ZNF536: variants seen among roughly 807,000 people sequenced by gnomAD.
ZNF536 encodes zinc finger protein 536.
A neutral mutation model predicts 84.5 loss-of-function variants in ZNF536; 13 were observed. The observed-to-expected ratio is 0.15, with a 90% CI of 0.10 to 0.24. The LOEUF (loss-of-function observed/expected upper bound fraction) is 0.24. Among genes scored for constraint, ZNF536 ranks in the 10% least tolerant of loss-of-function variants. The pLI, the probability that ZNF536 is intolerant of heterozygous loss-of-function variation, is 1.00. For synonymous variants in ZNF536, 811 were observed against 742.5 expected (o/e 1.09, Z -1.50); for missense variants, 1,536 against 1,747.5 (o/e 0.88, Z 2.16).
At chr19:30,473,644 C>T (rs2053731092) in intron 2 of ZNF536, among the ~76,000 whole-genome samples, 1 of 152,230 alleles carries the variant, frequency 6.6e-6, no homozygotes, top group South Asian at 2.1e-4. Context: ...TTTGTTCACT[C>T]ATATCCTTGG....
chr19:30,705,267 A>G (rs1348717731), intron 1 of ZNF536, among the ~76,000 whole-genome samples: 1 of 152,054 alleles, frequency 6.6e-6, no homozygotes, highest in Non-Finnish European at 1.5e-5. Flanking sequence ...ACTTTCTTCC[A>G]CATCAGTCTC....
intron 1 of ZNF536, among the ~76,000 whole-genome samples, chr19:30,678,083 TG>T (rs2050820811): frequency 6.6e-6 from 1 of 152,108 alleles, no homozygotes; most frequent in Non-Finnish European, 1.5e-5. Flanking sequence ...CAAGAGGATT[TG>T]GGATGAGAAA....
intron 1 of ZNF536, among the ~76,000 whole-genome samples, chr19:30,666,081 C>T (rs2050306806): frequency 6.6e-6 from 1 of 152,248 alleles, no homozygotes; most frequent in Non-Finnish European, 1.5e-5. Context: ...GATGGGACTA[C>T]ACCAAGTTTG....
intron 1 of ZNF536, among the ~76,000 whole-genome samples, chr19:30,663,534 T>G (rs2050199545): frequency 6.6e-6 from 1 of 152,184 alleles, no homozygotes; most frequent in African/African-American, 2.4e-5. Context: ...CATTCAGGAG[T>G]TGCTAAATTT....
intron 2 of ZNF536, among the ~76,000 whole-genome samples, chr19:30,330,729 G>A (rs1363007827): frequency 1.3e-5 from 2 of 152,298 alleles, no homozygotes; most frequent in South Asian, 4.1e-4. Context: ...GGATCAGAAA[G>A]GAATGGAAGC....
At chr19:30,406,212 A>G (rs968644799) in intron 1 of ZNF536, among the ~76,000 whole-genome samples, 9 of 152,208 alleles carry the variant, frequency 5.9e-5, no homozygotes, top group Admixed American at 4.6e-4. Context: ...ATATGAATTT[A>G]TAGCCTAGCA....
upstream of ZNF536, among the ~76,000 whole-genome samples, chr19:30,370,675 A>G (rs921861292): frequency 2.6e-5 from 4 of 152,238 alleles, no homozygotes; most frequent in African/African-American, 9.6e-5. Flanking sequence ...TCATTATTAC[A>G]TCAATCATCA....
intron 2 of ZNF536, among the ~76,000 whole-genome samples, chr19:30,497,569 T>C (rs540827749): frequency 4.3e-4 from 66 of 152,302 alleles, no homozygotes; most frequent in African/African-American, 1.4e-3. Context: ...AGATGAAGCA[T>C]TGGACTCATT....
intron 2 of ZNF536, among the ~76,000 whole-genome samples, chr19:30,303,078 T>G (rs116989553): frequency 1.3e-3 from 191 of 152,346 alleles, no homozygotes; most frequent in South Asian, 2.9e-3. Flanking sequence ...CAATGGATTT[T>G]AGGCACACAC....
intron 2 of ZNF536, among the ~76,000 whole-genome samples, chr19:30,462,048 AG>A (rs1396829188): frequency 6.6e-5 from 10 of 152,058 alleles, no homozygotes; most frequent in Non-Finnish European, 1.3e-4. Flanking sequence ...GTAAATTAGG[AG>A]GGCTAGATGA....
chr19:30,295,807 T>C (rs925860256), intron 2 of ZNF536, among the ~76,000 whole-genome samples: 7 of 152,222 alleles, frequency 4.6e-5, no homozygotes, highest in African/African-American at 1.4e-4. Flanking sequence ...GAATGGTGAA[T>C]GTTCATTCTT....
chr19:30,436,719 G>T (rs111674536), intron 1 of ZNF536, among the ~76,000 whole-genome samples: 3,703 of 152,284 alleles, frequency 0.024, 163 homozygotes, highest in African/African-American at 0.085. Flanking sequence ...AGGTGAAATT[G>T]TCTTAATTAC....
At chr19:30,633,813 A>G (rs1180354297) in intron 1 of ZNF536, among the ~76,000 whole-genome samples, 1 of 152,068 alleles carries the variant, frequency 6.6e-6, no homozygotes, top group Non-Finnish European at 1.5e-5. Flanking sequence ...GGCTCATTCA[A>G]TTCTCCTGCC....
At chr19:30,670,572 C>T (rs949131042) in intron 1 of ZNF536, among the ~76,000 whole-genome samples, 32 of 152,252 alleles carry the variant, frequency 2.1e-4, no homozygotes, top group African/African-American at 7.5e-4. Context: ...TGAGCTCCCC[C>T]GCAGACGGGT....
chr19:30,331,514 G>A (rs2047211624), intron 2 of ZNF536, among the ~76,000 whole-genome samples: 1 of 152,016 alleles, frequency 6.6e-6, no homozygotes, highest in Non-Finnish European at 1.5e-5. Context: ...GTCTCCTGAG[G>A]TGTGTGTTCA....
chr19:30,498,672 CAG>C (rs996695260), intron 2 of ZNF536, among the ~76,000 whole-genome samples: 2 of 152,166 alleles, frequency 1.3e-5, no homozygotes, highest in African/African-American at 4.8e-5. Context: ...CTGCTGAAGA[CAG>C]AGAGGAATGC....
At chr19:30,696,816 C>T (rs1442751259) in intron 1 of ZNF536, among the ~76,000 whole-genome samples, 1 of 152,142 alleles carries the variant, frequency 6.6e-6, no homozygotes, top group Non-Finnish European at 1.5e-5. Flanking sequence ...TGCTGATGCC[C>T]TGCTGAAATC....
chr19:30,655,249 T>C (rs2049865236), intron 1 of ZNF536, among the ~76,000 whole-genome samples: 1 of 152,232 alleles, frequency 6.6e-6, no homozygotes, highest in African/African-American at 2.4e-5. Context: ...AATGACAGAC[T>C]GCATAGGGGT....
intron 1 of ZNF536, among the ~76,000 whole-genome samples, chr19:30,619,749 C>A (rs1265674321): frequency 1.3e-5 from 2 of 152,214 alleles, no homozygotes; most frequent in Non-Finnish European, 2.9e-5. Flanking sequence ...CTCTTCCTTG[C>A]AGGAAAGCAA....
Sources: allele counts gnomAD v4.1 joint callset (sites outside exome capture counted in the v4.1 genomes callset), GRCh38; gene constraint gnomAD v4.1.1; transcripts MANE v1.5; gene names NCBI Gene and HGNC (gene_info 2026-07-23, HGNC 2026-07-21).